Variants in ANKRD34B observed in about 807,000 individuals in gnomAD.
ANKRD34B encodes ankyrin repeat domain 34B, also known as ankyrin repeat domain-containing protein 34B.
Under a neutral mutation model 4.4 loss-of-function variants are expected in ANKRD34B, and 2 were observed. That is an observed-to-expected ratio of 0.46 (90% CI 0.19 to 1.44). The LOEUF (loss-of-function observed/expected upper bound fraction) is 1.44, where lower values mean the gene tolerates loss of function less well. Among genes scored for constraint, ANKRD34B ranks in the 40% most tolerant of loss-of-function variants. ANKRD34B has a pLI of 0.26. For synonymous variants in ANKRD34B, 226 were observed against 227.1 expected (o/e 0.99, Z 0.05); for missense variants, 558 against 604.7 (o/e 0.92, Z 0.81).
At chr5:80,563,254 G>A (rs1335728191) in intron 4 of ANKRD34B, among the ~76,000 whole-genome samples, 1 of 152,140 alleles carries the variant, frequency 6.6e-6, no homozygotes, top group East Asian at 1.9e-4. Context: ...GAGGGACAGA[G>A]AGAGGCCCGA....
At position 80,559,172 on chromosome 5, in the gene ANKRD34B, C is replaced by G. The variant is rs764521986; in HGVS notation, c.848G>C (p.Gly283Ala). 2 of 1,614,074 alleles carry G rather than the reference C, an allele frequency of 1.2e-6. No individual in the cohort carries two copies. The highest frequency in any genetic ancestry group is 1.7e-6 in the Non-Finnish European group (2 of 1,180,020). Residue 283 changes from glycine (G) to alanine (A), a missense_variant, in exon 5 of 5, where the codon GGG becomes GCG. Coordinates refer to ENST00000338682, the MANE Select transcript of ANKRD34B (RefSeq NM_001004441.3). ...PEEELSYKTN[G>A]LALSKRFITR... ...GATGAACCGCTTGGAAAGTGCCAGCCCATTGGTTTTATAGGATAGTTCTTC... is the reference window on the plus strand; with the variant it reads ...GATGAACCGCTTGGAAAGTGCCAGCGCATTGGTTTTATAGGATAGTTCTTC...
chr5:80,566,613 G>A (rs992046290), intron 3 of ANKRD34B, 76 bp downstream of exon 3: 5 of 152,470 alleles, frequency 3.3e-5, no homozygotes, highest in South Asian at 4.2e-4. Flanking sequence ...AATATCTGTC[G>A]ATACATGAAA....
chr5:80,561,321 T>G (rs1746399464), intron 4 of ANKRD34B, among the ~76,000 whole-genome samples: 1 of 152,152 alleles, frequency 6.6e-6, no homozygotes, highest in South Asian at 2.1e-4. Context: ...TACATCTGTT[T>G]CATTGATTCA....
intron 3 of ANKRD34B, among the ~76,000 whole-genome samples, chr5:80,564,822 C>T (rs927599857): frequency 6.6e-6 from 1 of 151,462 alleles, no homozygotes; most frequent in Non-Finnish European, 1.5e-5. Context: ...TCTCCTGCCT[C>T]AGCCTCTGGA....
chr5:80,569,367 G>A (rs1401853628), intron 1 of ANKRD34B, among the ~76,000 whole-genome samples: 4 of 152,192 alleles, frequency 2.6e-5, no homozygotes, highest in Non-Finnish European at 4.4e-5. Flanking sequence ...CCCGGAGCAG[G>A]CGCACCTCTG....
Position 80,558,732 on chromosome 5 carries a change from G to A in ANKRD34B, c.1288C>T (p.Arg430Ter), listed in dbSNP as rs1746323725. The change falls in exon 5 of 5, where the codon CGA (arginine) becomes TGA (stop). Residue 430 changes from arginine (R) to a stop codon, truncating the protein, a stop_gained. Transcript: ENST00000338682. LOFTEE classifies it low-confidence loss of function (END_TRUNC). Reference sequence around the variant, plus strand: ...TCTAAAGGGAAAGCTCCTGAACCTCGCCTTTCTAAAACTGCATGATTTCTC... The same window carrying A: ...TCTAAAGGGAAAGCTCCTGAACCTCACCTTTCTAAAACTGCATGATTTCTC... ...SRRNHAVLER[R>*]GSGAFPLDHS... 10 of 1,613,978 alleles carry A rather than the reference G, an allele frequency of 6.2e-6. No homozygotes were observed. Among genetic ancestry groups the A allele is most frequent in the South Asian group, 1.1e-5 (1 of 91,074 alleles).
intron 2 of ANKRD34B, among the ~76,000 whole-genome samples, chr5:80,567,942 C>A (rs906091292): frequency 1.3e-5 from 2 of 152,118 alleles, no homozygotes; most frequent in African/African-American, 2.4e-5. Flanking sequence ...TTTCCTCACC[C>A]CTGAAATGGG....
At position 80,559,989 on chromosome 5, in the gene ANKRD34B, C is replaced by A. The variant is rs1163389778; in HGVS notation, c.31G>T (p.Gly11Ter). The change falls in exon 5 of 5, where the codon GGA becomes TGA. Residue 11 changes from glycine (G) to a stop codon, truncating the protein, a stop_gained. Coordinates refer to ENST00000338682, the MANE Select transcript of ANKRD34B (RefSeq NM_001004441.3). LOFTEE classifies it low-confidence loss of function (END_TRUNC). The part of the protein sequence containing the change: MDEGMEISSE[G>*]NSLIKAVHQS... ...TGGACTGCTTTGATCAAGGAATTTC[C>A]TTCACTTGAAATTTCCATACCTTCA... 1.3e-6 allele frequency: 2 copies of A among 1,594,998 alleles called. No homozygotes were observed. Among genetic ancestry groups the A allele is most frequent in the Non-Finnish European group, 1.7e-6 (2 of 1,170,510 alleles).
intron 3 of ANKRD34B, among the ~76,000 whole-genome samples, chr5:80,564,996 C>T (rs371666191): frequency 5.3e-5 from 8 of 152,200 alleles, no homozygotes; most frequent in Non-Finnish European, 8.8e-5. Flanking sequence ...TGCGCCACTG[C>T]GCCCAGCCTG....
chr5:80,562,923 CT>C (rs1311448940), intron 4 of ANKRD34B, among the ~76,000 whole-genome samples: 1 of 151,070 alleles, frequency 6.6e-6, no homozygotes, highest in Non-Finnish European at 1.5e-5. Flanking sequence ...ACAAAAATGC[CT>C]CTTACATTAA....
intron 3 of ANKRD34B, among the ~76,000 whole-genome samples, chr5:80,566,071 T>A (rs1746556748): frequency 2.6e-5 from 4 of 152,202 alleles, no homozygotes; most frequent in Admixed American, 2.6e-4. Context: ...GAGTTATTTT[T>A]AAAAAATATT....
rs34992073 is a variant in ANKRD34B, at chr5:80,564,702, CTT to C, written c.-104-889_-104-888del. 6.3e-5 allele frequency among the ~76,000 whole-genome samples: 7 copies of C among 111,532 alleles called. 1 individual carries two copies. Among genetic ancestry groups the C allele is most frequent in the African/African-American group, 2.1e-4 (6 of 29,050 alleles). The allele number at this position is 111,532 out of a possible 152,430, so 73.2% of individuals were successfully genotyped here. A position where few individuals can be genotyped will look rare whatever the true frequency, so the allele number is the denominator to read the frequency against. On this transcript the variant is annotated intron_variant, in intron 3 of 4. Coordinates refer to ENST00000338682, the MANE Select transcript of ANKRD34B (RefSeq NM_001004441.3). The stretch of plus-strand genomic sequence containing the variant: ...TTAAAGCCACTTTGTTTGCTCACTT[CTT>C]TTTTTTTTTTTTTTTTTTGAGATGG...
At position 80,559,253 on chromosome 5, in the gene ANKRD34B, A is replaced by T; in HGVS notation, c.767T>A (p.Met256Lys). 1 of 1,614,180 alleles carries T rather than the reference A, an allele frequency of 6.2e-7. No homozygotes were observed. Residue 256 changes from methionine (M) to lysine (K), a missense_variant, in exon 5 of 5, where the codon ATG becomes AAG. By Grantham distance (95) the Met-to-Lys change is moderately conservative. Transcript: ENST00000338682. ...CAATGAAGCCACTCTGTTCTGGTGC[A>T]TTAATAATGGGGGACTCTTGACCCA... The part of the protein sequence containing the change: ...PPWVKSPPLL[M>K]HQNRVASLQE...
chr5:80,569,754 G>T (rs1372095682), intron 1 of ANKRD34B, among the ~76,000 whole-genome samples: 1 of 152,176 alleles, frequency 6.6e-6, no homozygotes, highest in Non-Finnish European at 1.5e-5. Context: ...GGTTCCCGCC[G>T]CTCGGCGAGG....
intron 4 of ANKRD34B, among the ~76,000 whole-genome samples, 186 bp downstream of exon 4, chr5:80,563,549 C>A (rs1314444308): frequency 6.6e-6 from 1 of 152,156 alleles, no homozygotes; most frequent in Non-Finnish European, 1.5e-5. Flanking sequence ...ACTGGAGTTT[C>A]AACAACTAAG....
Position 80,557,860 on chromosome 5 carries a change from CT to C in ANKRD34B, c.*614del, listed in dbSNP as rs1394455134. 6.6e-6 allele frequency: 1 copy of C among 152,174 alleles called. No individual in the cohort carries two copies. The highest frequency in any genetic ancestry group is 1.5e-5 in the Non-Finnish European group (1 of 68,024). The allele number at this position is 152,174 out of a possible 1,614,324, so 9.4% of individuals were successfully genotyped here. ...AAAACTCTGACTTGCCAGTTTGACA[CT>C]AATTAAACTGACACCACGAATATTT... is the stretch of plus-strand genomic sequence containing the variant. On this transcript the variant is annotated 3_prime_UTR_variant, in exon 5 of 5. Coordinates refer to ENST00000338682, the MANE Select transcript of ANKRD34B (RefSeq NM_001004441.3).
rs773467030 is a variant in ANKRD34B at position 80,559,432 on chromosome 5, C to T, written c.588G>A (p.Ser196=). The T allele has an allele frequency of 1.8e-5, 29 of 1,613,980 alleles. No homozygotes were observed. The highest frequency in any genetic ancestry group is 2.2e-5 in the Non-Finnish European group (26 of 1,180,032). The change falls in exon 5 of 5, where the codon TCG becomes TCA. Residue 196 remains serine (S), a synonymous_variant. Transcript: ENST00000338682. The part of the protein sequence containing the change: ...PSEIDIKTAS[S]PLSHSSETEL... ...CCGTTTCAGAAGAATGTGAAAGTGG[C>T]GATGAGGCAGTTTTGATGTCTATTT... is the stretch of plus-strand genomic sequence containing the variant.
chr5:80,560,896 GT>G (rs1746390175), intron 4 of ANKRD34B, among the ~76,000 whole-genome samples: 1 of 152,110 alleles, frequency 6.6e-6, no homozygotes, highest in South Asian at 2.1e-4. Flanking sequence ...GGGCTACAAC[GT>G]GTTAAAATAA....
chr5:80,566,438 C>A (rs1038524118), intron 3 of ANKRD34B, among the ~76,000 whole-genome samples: 1 of 152,162 alleles, frequency 6.6e-6, no homozygotes, highest in Admixed American at 6.5e-5. Flanking sequence ...CTAAATTGAT[C>A]AGAAAGGCTC....
Sources: allele counts gnomAD v4.1 joint callset (sites outside exome capture counted in the v4.1 genomes callset), GRCh38; gene constraint gnomAD v4.1.1; transcripts MANE v1.5; gene names NCBI Gene and HGNC (gene_info 2026-07-23, HGNC 2026-07-21).